PHF20: variants seen among roughly 807,000 people sequenced by gnomAD.
PHF20 encodes the protein glioma-expressed antigen 2.
A neutral mutation model predicts 113.5 loss-of-function variants in PHF20; 23 were observed. The ratio of observed to expected loss-of-function variants is 0.20; its 90% CI spans 0.15 to 0.29. The LOEUF (loss-of-function observed/expected upper bound fraction) is 0.29, where lower values mean the gene tolerates loss of function less well. PHF20 is among the 10% of genes least tolerant of loss of function. PHF20 has a pLI of 1.00. For missense variants in PHF20, 943 were observed against 1,219.6 expected (o/e 0.77, Z 3.38); for synonymous variants, 434 against 457.3 (o/e 0.95, Z 0.65).
chr20:35,838,051 GT>G (rs1243032226), intron 2 of PHF20, among the ~76,000 whole-genome samples: 2 of 152,070 alleles, frequency 1.3e-5, no homozygotes, highest in Admixed American at 6.6e-5. Context: ...GCCCAATAAA[GT>G]TTTTTTTGAA....
At chr20:35,855,402 C>A in intron 4 of PHF20, 1 of 270,148 alleles carries the variant, frequency 3.7e-6, no homozygotes, top group Non-Finnish European at 6.7e-6. Context: ...TTGTTGTTGT[C>A]ATCTAATTGC....
chr20:35,921,058 C>T (rs78927049), intron 13 of PHF20, among the ~76,000 whole-genome samples: 1 of 152,176 alleles, frequency 6.6e-6, no homozygotes, highest in Admixed American at 6.5e-5. Flanking sequence ...GAGTGACAGA[C>T]AGTTGCTGAC....
At chr20:35,825,869 G>A (rs973997103) in intron 2 of PHF20, among the ~76,000 whole-genome samples, 8 of 151,976 alleles carry the variant, frequency 5.3e-5, no homozygotes, top group African/African-American at 1.9e-4. Context: ...ATTTATAGTA[G>A]AGTGTATAAA....
intron 2 of PHF20, among the ~76,000 whole-genome samples, chr20:35,819,994 T>G (rs1193812912): frequency 6.6e-6 from 1 of 152,176 alleles, no homozygotes; most frequent in African/African-American, 2.4e-5. Context: ...ACTTTATATA[T>G]GAGGAAATAG....
intron 9 of PHF20, among the ~76,000 whole-genome samples, chr20:35,890,985 T>C (rs911421315): frequency 5.3e-5 from 8 of 152,184 alleles, no homozygotes; most frequent in African/African-American, 1.9e-4. Context: ...AAATAAGTAT[T>C]CTTATTCCCA....
intron 1 of PHF20, chr20:35,774,461 CT>C (rs1285467802): frequency 4.6e-5 from 7 of 152,170 alleles, no homozygotes; most frequent in African/African-American, 1.7e-4. Context: ...ATAGTTCTTT[CT>C]TTTGTGTTTC....
intron 15 of PHF20, 59 bp from the exon 16 acceptor site, chr20:35,938,638 G>A: frequency 6.7e-7 from 1 of 1,494,818 alleles, no homozygotes; most frequent in Non-Finnish European, 9.0e-7. Flanking sequence ...TAGGAATTGA[G>A]AACCCCTGCA....
In PHF20 at chr20:35,832,437, C is replaced by T. The variant is rs1009868176; in HGVS notation, c.84-10136C>T. 3.3e-5 allele frequency among the ~76,000 whole-genome samples: 5 copies of T among 152,308 alleles called. No homozygotes were observed. The East Asian group carries it at 9.6e-4, about 29-fold the overall frequency. ...AGATGCCTCTAGCAGTGCCTGTTGT[C>T]TCCTGGGGAAGCAGGCCATAAACAC... is the stretch of plus-strand genomic sequence containing the variant. On this transcript the variant is annotated intron_variant, in intron 2 of 17. Transcript: ENST00000374012.
At chr20:35,847,153 T>C (rs936541348) in intron 3 of PHF20, among the ~76,000 whole-genome samples, 197 bp from the exon 4 acceptor site, 6 of 152,140 alleles carry the variant, frequency 3.9e-5, no homozygotes, top group Non-Finnish European at 7.4e-5. Flanking sequence ...CGTTTACTTT[T>C]GGTGAGGACA....
At chr20:35,804,424 G>A (rs1600754841) in intron 2 of PHF20, among the ~76,000 whole-genome samples, 1 of 151,884 alleles carries the variant, frequency 6.6e-6, no homozygotes, top group Admixed American at 6.6e-5. Flanking sequence ...TTTTAGTAGA[G>A]ACGGGGTTTC....
Position 35,899,666 on chromosome 20 carries a change from T to C in PHF20, c.1561+18T>C. On this transcript the variant is annotated intron_variant, in intron 10 of 17. Transcript: ENST00000374012. ...TTCCCCAAGTAAGTATCTTCATTCT[T>C]CATTGTGTCATGGATGGCTCAGTTG... The C allele has an allele frequency of 6.2e-7, 1 of 1,611,918 alleles. No individual in the cohort carries two copies. Among genetic ancestry groups the C allele is most frequent in the South Asian group, 1.1e-5 (1 of 90,880 alleles).
intron 7 of PHF20, among the ~76,000 whole-genome samples, chr20:35,870,303 CAAA>C (rs1174014648): frequency 0.029 from 1,555 of 53,068 alleles, 22 homozygotes; most frequent in African/African-American, 0.082. Context: ...GACTCCGTCT[CAAA>C]AAAAAAAAAA....
chr20:35,890,238 C>T (rs912219160), intron 9 of PHF20, among the ~76,000 whole-genome samples: 1 of 151,880 alleles, frequency 6.6e-6, no homozygotes, highest in Admixed American at 6.6e-5. Flanking sequence ...CTATGTTGCT[C>T]AGGCTGGTCT....
intron 1 of PHF20, among the ~76,000 whole-genome samples, chr20:35,775,773 A>AG: frequency 6.6e-6 from 1 of 150,890 alleles, no homozygotes. Flanking sequence ...AAAAAAAAAA[A>AG]AGGCCAAAAC....
intron 9 of PHF20, among the ~76,000 whole-genome samples, chr20:35,892,224 A>ATTTTTTTTTTTTTT (rs780490898): frequency 2.9e-5 from 3 of 102,518 alleles, no homozygotes; most frequent in South Asian, 3.5e-4. Context: ...CGCCTGGCTG[A>ATTTTTTTTTTTTTT]TTTTTTTTTT....
chr20:35,917,846 T>C (rs148786843), intron 13 of PHF20, among the ~76,000 whole-genome samples, 184 bp downstream of exon 13: 12 of 152,242 alleles, frequency 7.9e-5, no homozygotes, highest in African/African-American at 2.9e-4. Flanking sequence ...CATAGTCCAT[T>C]GATGGAGTAA....
chr20:35,939,307 G>T (rs1284280483), intron 16 of PHF20, among the ~76,000 whole-genome samples, 199 bp downstream of exon 16: 1 of 152,104 alleles, frequency 6.6e-6, no homozygotes, highest in African/African-American at 2.4e-5. Context: ...GTTCCAGGAA[G>T]CACCCACAAA....
At chr20:35,850,590 TTTTTTTTTTTTTTTTTTTTTTTTTGAGA>T in intron 4 of PHF20, 1 of 80,838 alleles carries the variant, frequency 1.2e-5, no homozygotes, top group Non-Finnish European at 2.3e-5. Flanking sequence ...GAGCTGTTTT[TTTTTTTTTTTTTTTTTTTTTTTTTGAGA>T]CGGAGTCTCT....
intron 4 of PHF20, among the ~76,000 whole-genome samples, chr20:35,848,431 A>G (rs1046671299): frequency 6.6e-6 from 1 of 151,912 alleles, no homozygotes; most frequent in African/African-American, 2.4e-5. Flanking sequence ...CGGTCAGCTA[A>G]ATTTTGTATT....
Sources: allele counts gnomAD v4.1 joint callset (sites outside exome capture counted in the v4.1 genomes callset), GRCh38; gene constraint gnomAD v4.1.1; transcripts MANE v1.5; gene names NCBI Gene and HGNC (gene_info 2026-07-23, HGNC 2026-07-21).